Variants in RCBTB2 observed in about 807,000 individuals in gnomAD.
RCBTB2 encodes the protein RCC1 and BTB domain containing protein 2, also known as RCC1 and BTB domain-containing protein 2.
RCBTB2 carries 55 observed loss-of-function variants against 65.4 expected under a neutral mutation model. The ratio of observed to expected loss-of-function variants is 0.84; its 90% CI spans 0.68 to 1.05. The LOEUF is 1.05. Ranked by LOEUF, RCBTB2 falls within the 50% of genes least tolerant of loss-of-function variation. The pLI, the probability that RCBTB2 is intolerant of heterozygous loss-of-function variation, is 0.00. For missense variants in RCBTB2, 599 were observed against 680.1 expected (o/e 0.88, Z 1.33); for synonymous variants, 220 against 255.2 (o/e 0.86, Z 1.31).
At chr13:48,493,874 ATTGTT>A (rs1949856712) in intron 14 of RCBTB2, among the ~76,000 whole-genome samples, 1 of 151,974 alleles carries the variant, frequency 6.6e-6, no homozygotes, top group Non-Finnish European at 1.5e-5. Context: ...GAGATTTTGG[ATTGTT>A]TTGTTCATTT....
chr13:48,501,780 T>C lies in RCBTB2; in HGVS notation c.1206A>G (p.Gly402=), dbSNP rs1359903735. Residue 402 remains glycine (G), a synonymous_variant, in exon 12 of 15, where the codon GGA becomes GGG. Transcript: ENST00000344532. ...GGACTTTATGTGCATAAATGTACTT[T>C]CCATCAACTAGAAACTTCAGGTCTG... ...DTADLKFLVD[G]KYIYAHKVLL... 2 of 1,613,096 alleles carry C rather than the reference T, an allele frequency of 1.2e-6. No individual in the cohort carries two copies. The highest frequency in any genetic ancestry group is 1.7e-6 in the Non-Finnish European group (2 of 1,179,152).
intron 14 of RCBTB2, among the ~76,000 whole-genome samples, chr13:48,494,610 C>T (rs1330469611): frequency 1.3e-5 from 2 of 152,162 alleles, no homozygotes; most frequent in Non-Finnish European, 2.9e-5. Context: ...ACAAATAATT[C>T]ACATAAATAG....
Position 48,522,417 on chromosome 13 carries a change from AG to A in RCBTB2, c.-119-15del. 1 of 1,082,396 alleles carries A rather than the reference AG, an allele frequency of 9.2e-7. No individual in the cohort carries two copies. The highest frequency in any genetic ancestry group is 1.6e-5 in the African/African-American group (1 of 63,320). 67.0% of individuals were successfully genotyped at this position (1,082,396 alleles called of 1,614,324 possible). ...TGATTTGCTAAGCTGGAAAAAAAAA[AG>A]GAGAAATGAATGAAAATGATGAAAA... On this transcript the variant is annotated splice_polypyrimidine_tract_variant and intron_variant, in intron 2 of 14. Transcript: ENST00000344532.
At position 48,501,850 on chromosome 13, in the gene RCBTB2, G is replaced by A; in HGVS notation, c.1136C>T (p.Thr379Ile). The A allele has an allele frequency of 6.2e-7, 1 of 1,613,850 alleles. No individual in the cohort carries two copies. Among genetic ancestry groups the A allele is most frequent in the Non-Finnish European group, 8.5e-7 (1 of 1,179,854 alleles). ...LLSVEPDDHL[T>I]VAESLKREFD... ...TTCCCTCTTCAGTGACTCAGCCACT[G>A]TGAGGTGGTCATCAGGTTCTAGGAG... The change falls in exon 12 of 15, where the codon ACA becomes ATA. Residue 379 changes from threonine (T) to isoleucine (I), a missense_variant. By Grantham distance (89) the Thr-to-Ile change is moderately conservative (BLOSUM62 -1). Transcript: ENST00000344532.
intron 10 of RCBTB2, among the ~76,000 whole-genome samples, chr13:48,506,430 G>A (rs1593668006): frequency 1.3e-5 from 2 of 152,352 alleles, no homozygotes; most frequent in South Asian, 4.1e-4. Context: ...GGCTGCAAGG[G>A]AGAGAAAGAA....
In RCBTB2 at chr13:48,499,868, G is replaced by A. The variant is rs368714123; in HGVS notation, c.1245-108C>T. 1.2e-4 allele frequency: 154 copies of A among 1,259,680 alleles called. 3 individuals carry two copies. The South Asian group carries it at 2.1e-3, about 17-fold the overall frequency. 78.0% of individuals were successfully genotyped at this position (1,259,680 alleles called of 1,614,324 possible). ...AGGTGCACGCTGGCACGTCCCTGCTGTGGCTCCTCACTTTCTTTGCTGGCC... is the reference window on the plus strand; with the variant it reads ...AGGTGCACGCTGGCACGTCCCTGCTATGGCTCCTCACTTTCTTTGCTGGCC... On this transcript the variant is annotated intron_variant, in intron 12 of 14. Coordinates refer to ENST00000344532, the MANE Select transcript of RCBTB2 (RefSeq NM_001268.4).
At chr13:48,493,369 T>C (rs1949830174) in intron 14 of RCBTB2, among the ~76,000 whole-genome samples, 2 of 146,632 alleles carry the variant, frequency 1.4e-5, no homozygotes, top group South Asian at 4.3e-4. Context: ...CCTCTCTCTC[T>C]CTCCCTACCT....
chr13:48,508,472 G>A (rs1047405798), intron 10 of RCBTB2, among the ~76,000 whole-genome samples: 6 of 151,346 alleles, frequency 4.0e-5, no homozygotes, highest in Non-Finnish European at 8.8e-5. Flanking sequence ...GCAGTGTCGC[G>A]ATCTCACTGC....
Position 48,518,469 on chromosome 13 carries a change from AAAAAT to A in RCBTB2, c.43-2733_43-2729del, listed in dbSNP as rs1355878908. Among the ~76,000 whole-genome samples, 111 of 135,594 alleles carry A rather than the reference AAAAAT, an allele frequency of 8.2e-4. 1 individual carries two copies. Among genetic ancestry groups the A allele is most frequent in the African/African-American group, 3.3e-3 (108 of 32,254 alleles). 89.0% of individuals were successfully genotyped at this position (135,594 alleles called of 152,430 possible). ...TACAGAGTACTTTGCAAAAAAAAAA[AAAAAT>A]ATATATATATATATATATATATTTA... On this transcript the variant is annotated intron_variant, in intron 4 of 14. Coordinates refer to ENST00000344532, the MANE Select transcript of RCBTB2 (RefSeq NM_001268.4).
chr13:48,514,984 C>T (rs987024924), intron 6 of RCBTB2, among the ~76,000 whole-genome samples: 3 of 152,204 alleles, frequency 2.0e-5, no homozygotes, highest in African/African-American at 7.2e-5. Context: ...TCAGTGTTTA[C>T]TGGGCTTACA....
At chr13:48,511,226 T>A (rs1267363667) in intron 9 of RCBTB2, among the ~76,000 whole-genome samples, 1 of 152,222 alleles carries the variant, frequency 6.6e-6, no homozygotes, top group Non-Finnish European at 1.5e-5. Flanking sequence ...CCATGTTGTA[T>A]AAGCAGTTCT....
At chr13:48,526,049 G>A (rs1951712796) in intron 1 of RCBTB2, among the ~76,000 whole-genome samples, 1 of 152,022 alleles carries the variant, frequency 6.6e-6, no homozygotes, top group African/African-American at 2.4e-5. Context: ...CTGACAAGAT[G>A]GTTTTCAAGA....
At chr13:48,510,049 T>C (rs953506009) in intron 10 of RCBTB2, among the ~76,000 whole-genome samples, 2 of 152,210 alleles carry the variant, frequency 1.3e-5, no homozygotes, top group Admixed American at 6.5e-5. Flanking sequence ...CAGAATAACG[T>C]GGAAACTAAT....
chr13:48,503,326 CTGG>C (rs1279843360), intron 10 of RCBTB2, among the ~76,000 whole-genome samples: 1 of 152,182 alleles, frequency 6.6e-6, no homozygotes, highest in Non-Finnish European at 1.5e-5. Flanking sequence ...TTTGGGTCAT[CTGG>C]ACTGAGGGCC....
At chr13:48,519,860 C>T (rs1459615109) in intron 4 of RCBTB2, among the ~76,000 whole-genome samples, 1 of 152,052 alleles carries the variant, frequency 6.6e-6, no homozygotes, top group African/African-American at 2.4e-5. Flanking sequence ...TTATAAAATG[C>T]ATGTATTTGC....
At chr13:48,504,856 T>C (rs9332033) in intron 10 of RCBTB2, among the ~76,000 whole-genome samples, 4,127 of 152,214 alleles carry the variant, frequency 0.027, 166 homozygotes, top group African/African-American at 0.09. Context: ...TCACAGAACC[T>C]GGAGCTTGTA....
chr13:48,515,578 AAAATT>A lies in RCBTB2; in HGVS notation c.198+3_198+7del, dbSNP rs764265075. On this transcript the variant is annotated splice_donor_5th_base_variant and intron_variant, in intron 5 of 14. Transcript: ENST00000344532. ...TGTGAGTAGCTGATTTATTTTCTTC[AAAATT>A]ACCTCATCATTTACTGTAGTGTATA... 1.3e-6 allele frequency: 2 copies of A among 1,582,564 alleles called. No individual in the cohort carries two copies. Among genetic ancestry groups the A allele is most frequent in the South Asian group, 2.3e-5 (2 of 85,460 alleles).
intron 1 of RCBTB2, among the ~76,000 whole-genome samples, chr13:48,526,081 C>A (rs1951713927): frequency 6.6e-6 from 1 of 152,084 alleles, no homozygotes; most frequent in South Asian, 2.1e-4. Flanking sequence ...AATTAATCAT[C>A]TCAGGATGGA....
At chr13:48,523,751 C>G (rs6561457) in intron 2 of RCBTB2, among the ~76,000 whole-genome samples, 34,707 of 152,090 alleles carry the variant, frequency 0.23, 10,402 homozygotes, top group African/African-American at 0.69. Context: ...GGGAAATCTT[C>G]CTAATGTGCT....
Sources: gnomAD v4.1 joint callset for allele counts (sites outside exome capture counted in the v4.1 genomes callset) on GRCh38, gnomAD v4.1.1 for gene constraint, MANE v1.5 for transcripts, NCBI Gene and HGNC (gene_info 2026-07-23, HGNC 2026-07-21) for gene names.